Variants in PACRG observed in about 807,000 individuals in gnomAD.
PACRG encodes parkin coregulated gene protein.
In PACRG, 29 loss-of-function variants were observed where a neutral mutation model predicts 29.7. The ratio of observed to expected loss-of-function variants is 0.98; its 90% CI spans 0.73 to 1.33. The LOEUF (loss-of-function observed/expected upper bound fraction) is 1.33. Among genes scored for constraint, PACRG ranks in the 40% most tolerant of loss-of-function variants. The pLI is 0.00. For synonymous variants in PACRG, 116 were observed against 118.7 expected (o/e 0.98, Z 0.15); for missense variants, 279 against 316.2 (o/e 0.88, Z 0.89).
chr6:163,305,340 C>T (rs1358940907), intron 4 of PACRG, among the ~76,000 whole-genome samples: 2 of 152,200 alleles, frequency 1.3e-5, no homozygotes, highest in Non-Finnish European at 2.9e-5. Context: ...CATTCAAATA[C>T]TTGGAAGGTT....
chr6:162,862,365 C>CT (rs1191326491), intron 2 of PACRG, among the ~76,000 whole-genome samples: 2 of 152,170 alleles, frequency 1.3e-5, no homozygotes, highest in Non-Finnish European at 2.9e-5. Context: ...CCTGTATACT[C>CT]TGTGGTGGGG....
intron 4 of PACRG, among the ~76,000 whole-genome samples, chr6:163,259,883 G>A (rs903587992): frequency 1.3e-5 from 2 of 152,166 alleles, no homozygotes; most frequent in East Asian, 1.9e-4. Context: ...GATGAGGGGC[G>A]GGCAGTGGAG....
chr6:163,054,623 T>C (rs1196238260), intron 2 of PACRG, among the ~76,000 whole-genome samples: 2 of 152,124 alleles, frequency 1.3e-5, no homozygotes, highest in African/African-American at 2.4e-5. Context: ...CAATTTGAAT[T>C]TGAATGAGTA....
chr6:163,312,965 A>G, intron 4 of PACRG: 1 of 248,610 alleles, frequency 4.0e-6, no homozygotes, highest in South Asian at 3.6e-5. Flanking sequence ...GTTGTTGCTC[A>G]GGCTGGTCTC....
At chr6:162,750,208 A>T (rs985880715) in intron 1 of PACRG, among the ~76,000 whole-genome samples, 1 of 152,224 alleles carries the variant, frequency 6.6e-6, no homozygotes, top group Non-Finnish European at 1.5e-5. Context: ...ATAAGAAACC[A>T]TAAATTTTAT....
chr6:162,758,953 AT>A (rs1180742283), intron 1 of PACRG, among the ~76,000 whole-genome samples: 1 of 152,216 alleles, frequency 6.6e-6, no homozygotes, highest in African/African-American at 2.4e-5. Context: ...TATATAAAAA[AT>A]TATAAGATTT....
At chr6:163,241,967 G>A (rs914648077) in intron 4 of PACRG, among the ~76,000 whole-genome samples, 4 of 152,156 alleles carry the variant, frequency 2.6e-5, no homozygotes, top group African/African-American at 9.7e-5. Context: ...GGTGGGCTCA[G>A]ACTCAAAAAC....
At chr6:162,877,993 A>T (rs1793515262) in intron 2 of PACRG, among the ~76,000 whole-genome samples, 1 of 152,176 alleles carries the variant, frequency 6.6e-6, no homozygotes, top group Non-Finnish European at 1.5e-5. Context: ...TTGGAGCTTT[A>T]CCTAAGGTTA....
chr6:162,857,661 TACAA>T (rs1204730487), intron 2 of PACRG, among the ~76,000 whole-genome samples: 1 of 152,192 alleles, frequency 6.6e-6, no homozygotes, highest in Non-Finnish European at 1.5e-5. Flanking sequence ...TTTTGGTAAT[TACAA>T]ACAATGTGGC....
intron 4 of PACRG, among the ~76,000 whole-genome samples, chr6:163,188,643 G>A (rs2321508): frequency 0.87 from 133,089 of 152,210 alleles, 58,492 homozygotes; most frequent in African/African-American, 0.97. Flanking sequence ...AGCGTGGCCT[G>A]ACCGTTTTAT....
At chr6:163,179,852 T>C (rs1055022158) in intron 4 of PACRG, among the ~76,000 whole-genome samples, 3 of 152,170 alleles carry the variant, frequency 2.0e-5, no homozygotes, top group Non-Finnish European at 2.9e-5. Context: ...CCCGTTCACT[T>C]ACAGATGACA....
chr6:163,102,954 C>G (rs1203299342), intron 4 of PACRG, among the ~76,000 whole-genome samples: 1 of 151,850 alleles, frequency 6.6e-6, no homozygotes, highest in Non-Finnish European at 1.5e-5. Context: ...TCTTTTTTTT[C>G]ACTGCTTTAT....
intron 1 of PACRG, among the ~76,000 whole-genome samples, chr6:162,743,587 GT>G (rs1413855465): frequency 6.6e-6 from 1 of 151,864 alleles, no homozygotes; most frequent in Non-Finnish European, 1.5e-5. Flanking sequence ...AATTCTTCCA[GT>G]TTTGATAATG....
At chr6:163,134,072 C>T (rs1816837896) in intron 4 of PACRG, among the ~76,000 whole-genome samples, 1 of 152,162 alleles carries the variant, frequency 6.6e-6, no homozygotes, top group Admixed American at 6.5e-5. Flanking sequence ...ATTCTACCAA[C>T]ATTCTACCTT....
chr6:163,014,147 G>A (rs1375136034), intron 2 of PACRG, among the ~76,000 whole-genome samples: 2 of 152,112 alleles, frequency 1.3e-5, no homozygotes, highest in African/African-American at 2.4e-5. Context: ...TAAGATAGTG[G>A]TCTCCAGCTG....
chr6:162,996,595 A>G (rs1179188512), intron 2 of PACRG, among the ~76,000 whole-genome samples: 2 of 152,188 alleles, frequency 1.3e-5, no homozygotes, highest in African/African-American at 4.8e-5. Flanking sequence ...ATATTATATA[A>G]CAATTTAAAA....
chr6:162,874,824 G>T (rs982764812), intron 2 of PACRG, among the ~76,000 whole-genome samples: 3 of 151,150 alleles, frequency 2.0e-5, no homozygotes, highest in African/African-American at 7.3e-5. Flanking sequence ...CATACGACTC[G>T]CACACATTCA....
At chr6:162,861,138 A>C (rs1369226676) in intron 2 of PACRG, among the ~76,000 whole-genome samples, 1 of 152,228 alleles carries the variant, frequency 6.6e-6, no homozygotes, top group East Asian at 1.9e-4. Context: ...GGCAGCAAAG[A>C]ACATTTAAAT....
At chr6:163,304,015 CA>C (rs59861286) in intron 4 of PACRG, among the ~76,000 whole-genome samples, 21,107 of 76,178 alleles carry the variant, frequency 0.28, 1,159 homozygotes, top group East Asian at 0.39. Flanking sequence ...GACTCCATTT[CA>C]AAAAAAAAAA....
Sources: gnomAD v4.1 joint callset for allele counts (sites outside exome capture counted in the v4.1 genomes callset) on GRCh38, gnomAD v4.1.1 for gene constraint, MANE v1.5 for transcripts, NCBI Gene and HGNC (gene_info 2026-07-23, HGNC 2026-07-21) for gene names.